DDX5: variants seen among roughly 807,000 people sequenced by gnomAD.
DDX5 encodes the protein probable ATP-dependent RNA helicase DDX5.
Under a neutral mutation model 68.6 loss-of-function variants are expected in DDX5, and 6 were observed. That is an observed-to-expected ratio of 0.09 (90% CI 0.05 to 0.17). The LOEUF is 0.17. DDX5 is among the 10% of genes least tolerant of loss of function. The pLI, the probability that DDX5 is intolerant of heterozygous loss-of-function variation, is 1.00. For synonymous variants in DDX5, 350 were observed against 247.0 expected, an observed-to-expected ratio of 1.42 and a Z score of -3.91; for missense variants, 499 against 756.1, an observed-to-expected ratio of 0.66 and a Z score of 3.99.
intron 9 of DDX5, 55 bp downstream of exon 9, chr17:64,502,384 G>C (rs1555671266): frequency 6.8e-7 from 1 of 1,464,392 alleles, no homozygotes; most frequent in Non-Finnish European, 9.5e-7. Flanking sequence ...ATCCAAGTTT[G>C]CCCTTTCCTA....
chr17:64,506,032 ATCC>A, intron 1 of DDX5, 41 bp downstream of exon 1: 1 of 442,564 alleles, frequency 2.3e-6, no homozygotes, highest in Non-Finnish European at 3.1e-6. Context: ...CCGCCCTCCC[ATCC>A]CCCCACCCGC....
At chr17:64,504,400 T>A (rs2038374033) in intron 2 of DDX5, 82 bp from the exon 3 acceptor site, 1 of 1,244,936 alleles carries the variant, frequency 8.0e-7, no homozygotes, top group East Asian at 2.3e-5. Context: ...CCTAACTTCA[T>A]AATTTAGTAA....
rs369845926 is a variant in DDX5, at chr17:64,503,394, G to C, written c.649+36C>G. ...GTAACTACAATACCTAGGATATTTA[G>C]CACCAATGACAAATAAAACCCTTTT... On this transcript the variant is annotated intron_variant, in intron 6 of 12. Coordinates refer to ENST00000225792, the MANE Select transcript of DDX5 (RefSeq NM_004396.5). 8 of 1,613,836 alleles carry C rather than the reference G, an allele frequency of 5.0e-6. No individual in the cohort carries two copies. In the African/African-American group the frequency reaches 1.1e-4, roughly 22 times the overall value.
chr17:64,500,460 G>A, intron 12 of DDX5, 89 bp downstream of exon 12: 5 of 1,516,214 alleles, frequency 3.3e-6, no homozygotes, highest in Non-Finnish European at 4.5e-6. Flanking sequence ...CACATTCAAG[G>A]TTTTACTCAC....
chr17:64,504,918 G>C (rs2038393996), intron 1 of DDX5, 76 bp from the exon 2 acceptor site: 8 of 1,437,038 alleles, frequency 5.6e-6, no homozygotes, highest in Non-Finnish European at 6.6e-6. Flanking sequence ...TCATCCATTG[G>C]CACAAGCTAA....
rs2038216582 is a variant in DDX5, at chr17:64,498,701, A to AG, written c.*1221_*1222insC. Among the ~76,000 whole-genome samples, 1 of 152,038 alleles carries AG rather than the reference A, an allele frequency of 6.6e-6. No individual in the cohort carries two copies. Among genetic ancestry groups the AG allele is most frequent in the African/African-American group, 2.4e-5 (1 of 41,386 alleles). On this transcript the variant is annotated 3_prime_UTR_variant, in exon 13 of 13. Transcript: ENST00000225792. ...TCTCCTGAAGACCTCTCTTCTGGCA[A>AG]AAAAAAACACGTATCAGACTCTGGG...
chr17:64,504,864 T>G (rs782251495), intron 1 of DDX5, 22 bp from the exon 2 acceptor site: 8 of 1,587,154 alleles, frequency 5.0e-6, no homozygotes, highest in Non-Finnish European at 6.8e-6. Flanking sequence ...AAAAACGTTA[T>G]TCACATTTTC....
At chr17:64,505,557 G>C in intron 1 of DDX5, 1 of 646,168 alleles carries the variant, frequency 1.5e-6, no homozygotes, top group East Asian at 2.7e-5. Flanking sequence ...GCCATTTTGA[G>C]CTCCTCCGCC....
In DDX5 at chr17:64,504,280, T is replaced by C. The variant is rs148681925; in HGVS notation, c.249A>G (p.Thr83=). 15 of 1,614,012 alleles carry C rather than the reference T, an allele frequency of 9.3e-6. No individual in the cohort carries two copies. In the African/African-American group the frequency reaches 2.0e-4, roughly 22 times the overall value. Reference sequence around the variant, plus strand: ...GCTTCGGGCAGTTGTGACCTCTAACTGTAATTTCCTTGCTTCTTCTGTATG... The same window carrying C: ...GCTTCGGGCAGTTGTGACCTCTAACCGTAATTTCCTTGCTTCTTCTGTATG... The part of the protein sequence containing the change: ...VETYRRSKEI[T]VRGHNCPKPV... Residue 83 remains threonine, a synonymous_variant, in exon 3 of 13, where the codon ACA becomes ACG. Coordinates refer to ENST00000225792, the MANE Select transcript of DDX5 (RefSeq NM_004396.5).
Position 64,506,212 on chromosome 17 carries a change from G to C in DDX5, c.-93C>G. On this transcript the variant is annotated 5_prime_UTR_variant, in exon 1 of 13. Transcript: ENST00000225792. ...GGCCTCGATGACGGCGAAGCCTTGC[G>C]GGGGCGGCAGCGGAGGAAGGACACC... 6.4e-7 allele frequency: 1 copy of C among 1,561,980 alleles called. No individual in the cohort carries two copies.
Position 64,504,311 on chromosome 17 carries a change from A to G in DDX5, c.218T>C (p.Val73Ala), listed in dbSNP as rs61999271. 4.3e-5 allele frequency: 69 copies of G among 1,613,494 alleles called. No individual in the cohort carries two copies. In the African/African-American group the frequency reaches 8.3e-4, roughly 19 times the overall value. The part of the protein sequence containing the change: ...PDLARRTAQE[V>A]ETYRRSKEIT... ...TTCCTTGCTTCTTCTGTATGTTTCC[A>G]CCTCTTGCTGCAAAACAAATTATAA... The change falls in exon 3 of 13, where the codon GTG (valine) becomes GCG (alanine). Residue 73 changes from valine (V) to alanine (A), a missense_variant. This residue lies in a region of DDX5 where 140 missense variants were observed against 135.7 expected (regional missense o/e 1.03). Coordinates refer to ENST00000225792, the MANE Select transcript of DDX5 (RefSeq NM_004396.5).
chr17:64,503,135 C>T, intron 7 of DDX5, 37 bp from the exon 8 acceptor site: 4 of 1,612,540 alleles, frequency 2.5e-6, no homozygotes, highest in Admixed American at 1.7e-5. Flanking sequence ...GTATCAGACT[C>T]TTAAGAGTGA....
rs1474681673 is a variant in DDX5 at position 64,499,729 on chromosome 17, C to T, written c.*194G>A. On this transcript the variant is annotated 3_prime_UTR_variant, in exon 13 of 13. Transcript: ENST00000225792. ...AAAACACTGCCTGCATTTTCTAGTA[C>T]AAAAAAAACCTAAAAATTGTTTCAG... The T allele has an allele frequency of 4.1e-6, 2 of 490,114 alleles. No homozygotes were observed. The highest frequency in any genetic ancestry group is 6.9e-6 in the Non-Finnish European group (2 of 289,144). 30.4% of individuals were successfully genotyped at this position (490,114 alleles called of 1,614,324 possible).
At chr17:64,501,075 T>A in intron 11 of DDX5, 1 of 435,484 alleles carries the variant, frequency 2.3e-6, no homozygotes, top group Non-Finnish European at 4.2e-6. Context: ...AAGTGACATC[T>A]GAATGCTTCT....
At position 64,499,634 on chromosome 17, in the gene DDX5, ATTT is replaced by A; in HGVS notation, c.*286_*288del. On this transcript the variant is annotated 3_prime_UTR_variant, in exon 13 of 13. Transcript: ENST00000225792. ...TTTCCACTTAATTCAGTCTTCAAATATTTTTTATTGGAAGGCCATGCATTGCCT... is the reference window on the plus strand; with the variant it reads ...TTTCCACTTAATTCAGTCTTCAAATATTTATTGGAAGGCCATGCATTGCCT... The A allele has an allele frequency of 6.5e-6, 2 of 308,932 alleles. No individual in the cohort carries two copies. Among genetic ancestry groups the A allele is most frequent in the South Asian group, 1.4e-4 (1 of 7,148 alleles). The allele number at this position is 308,932 out of a possible 1,614,324, so 19.1% of individuals were successfully genotyped here. A position where few individuals can be genotyped will look rare whatever the true frequency, so the allele number is the denominator to read the frequency against.
chr17:64,506,788 C>T (rs1568113056), upstream of DDX5: 2 of 540,894 alleles, frequency 3.7e-6, no homozygotes, highest in South Asian at 2.1e-5. Flanking sequence ...GGGACCCGCC[C>T]GGGCTGCCGG....
At chr17:64,505,910 A>G (rs947309493) in intron 1 of DDX5, 166 bp downstream of exon 1, 24 of 1,534,844 alleles carry the variant, frequency 1.6e-5, no homozygotes, top group Non-Finnish European at 1.7e-5. Context: ...ATCTCTTCCA[A>G]TCACTGTGAC....
Position 64,500,170 on chromosome 17 carries a change from C to A in DDX5, c.1598G>T (p.Gly533Val). ...GGTGTAATTTGCAGCACTGTAAACACCATTCTGAGTTTTTGCCCCAAAATC... is the reference window on the plus strand; with the variant it reads ...GGTGTAATTTGCAGCACTGTAAACAACATTCTGAGTTTTTGCCCCAAAATC... ...KRDFGAKTQNGVYSAANYTNG... is the reference protein window; with the variant it reads ...KRDFGAKTQNVVYSAANYTNG... Residue 533 changes from glycine (G) to valine (V), a missense_variant, in exon 13 of 13, where the codon GGT (glycine) becomes GTT (valine). By Grantham distance (109) the Gly-to-Val change is moderately radical. This residue lies in a region of DDX5 where 171 missense variants were observed against 174.8 expected (regional missense o/e 0.98). Transcript: ENST00000225792. The A allele has an allele frequency of 6.2e-7, 1 of 1,614,124 alleles. No homozygotes were observed. The highest frequency in any genetic ancestry group is 8.5e-7 in the Non-Finnish European group (1 of 1,180,026).
chr17:64,505,378 C>T (rs1031504037), intron 1 of DDX5: 41 of 457,526 alleles, frequency 9.0e-5, no homozygotes, highest in Middle Eastern at 6.0e-4. Context: ...GGTAGAGCTC[C>T]GGATCAACGA....
Sources: allele counts gnomAD v4.1 joint callset (sites outside exome capture counted in the v4.1 genomes callset), GRCh38; gene constraint gnomAD v4.1.1; regional missense constraint gnomAD v4.1.1; transcripts MANE v1.5; gene names NCBI Gene and HGNC (gene_info 2026-07-23, HGNC 2026-07-21).